NOPCHAP1: variants seen among roughly 807,000 people sequenced by gnomAD.
NOPCHAP1 encodes NOP protein chaperone 1, also known as DNA damage-sensitive RNA 1.
A neutral mutation model predicts 14.0 loss-of-function variants in NOPCHAP1; 13 were observed. That is an observed-to-expected ratio of 0.93 (90% CI 0.60 to 1.47). The LOEUF (loss-of-function observed/expected upper bound fraction) is 1.47. NOPCHAP1 is among the 40% of genes most tolerant of loss of function. The pLI is 0.00. For missense variants in NOPCHAP1, 230 were observed against 226.9 expected (o/e 1.01, Z -0.09); for synonymous variants, 78 against 78.4 (o/e 1.00, Z 0.03).
In NOPCHAP1 at chr12:105,016,011, A is replaced by G. The variant is rs1353466996; in HGVS notation, c.*21315A>G. On this transcript the variant is annotated 3_prime_UTR_variant, in exon 4 of 4. Transcript: ENST00000552951. ...GTTTTTTTTTTTTTTTTTAAAAAGC[A>G]TAACATCAAAGCCTAAAATTACAAA... The G allele has an allele frequency of 1.1e-4, 16 of 149,932 alleles. No individual in the cohort carries two copies. Among genetic ancestry groups the G allele is most frequent in the South Asian group, 2.1e-4 (1 of 4,768 alleles). 9.3% of individuals were successfully genotyped at this position (149,932 alleles called of 1,614,324 possible).
In NOPCHAP1 at chr12:104,986,806, G is replaced by T. The variant is rs527655251; in HGVS notation, c.115+339G>T. ...TCTTTTGGGGAAGGGAGGGCTTTTG[G>T]TTTGGCTGCCTGGGTCGGAGCAGTT... On this transcript the variant is annotated intron_variant, in intron 1 of 3. Transcript: ENST00000552951. 1.6e-4 allele frequency among the ~76,000 whole-genome samples: 25 copies of T among 152,302 alleles called. 1 individual carries two copies. Among genetic ancestry groups the T allele is most frequent in the Middle Eastern group, 6.8e-3 (2 of 294 alleles).
At chr12:104,993,194 C>T (rs374817961) in intron 3 of NOPCHAP1, among the ~76,000 whole-genome samples, 201 of 152,216 alleles carry the variant, frequency 1.3e-3, no homozygotes, top group Non-Finnish European at 2.0e-3. Context: ...GCCTTTCTTT[C>T]GCCTCTGGAA....
rs745808467 is a variant in NOPCHAP1, at chr12:104,988,246, G to C, written c.195G>C (p.Arg65Ser). ...TSTLQTVRIERSPLLDQVQTF... is the reference protein window; with the variant it reads ...TSTLQTVRIESSPLLDQVQTF... ...CTCTTCAAACAGTTCGGATAGAGAGGAGTCCCTGTAAGTACCTCTTCCCCT... is the reference window on the plus strand; with the variant it reads ...CTCTTCAAACAGTTCGGATAGAGAGCAGTCCCTGTAAGTACCTCTTCCCCT... The change falls in exon 2 of 4, where the codon AGG becomes AGC. Residue 65 changes from arginine to serine, a missense_variant. Physicochemically the swap from Arg to Ser is moderately radical, Grantham distance 110. Coordinates refer to ENST00000552951, the MANE Select transcript of NOPCHAP1 (RefSeq NM_152318.3). 1.6e-5 allele frequency: 26 copies of C among 1,609,570 alleles called. No homozygotes were observed. Among genetic ancestry groups the C allele is most frequent in the Non-Finnish European group, 2.1e-5 (25 of 1,176,860 alleles).
In NOPCHAP1 at chr12:105,010,055, G is replaced by C. The variant is rs1281114101; in HGVS notation, c.*15359G>C. On this transcript the variant is annotated 3_prime_UTR_variant, in exon 4 of 4. Transcript: ENST00000552951. ...GAAGGAATGGTACCAGCTCCTTTTT[G>C]TATCTCTGATAGAATTCTGCTGTGA... is the stretch of plus-strand genomic sequence containing the variant. 1 of 152,126 alleles carries C rather than the reference G, an allele frequency of 6.6e-6. No individual in the cohort carries two copies. Among genetic ancestry groups the C allele is most frequent in the Non-Finnish European group, 1.5e-5 (1 of 68,012 alleles). 9.4% of individuals were successfully genotyped at this position (152,126 alleles called of 1,614,324 possible).
intron 3 of NOPCHAP1, 48 bp from the exon 4 acceptor site, chr12:104,994,430 T>C (rs757928524): frequency 1.3e-6 from 2 of 1,497,248 alleles, no homozygotes; most frequent in Admixed American, 1.7e-5. Context: ...ATTACGACTT[T>C]TTAAGGAACT....
At chr12:104,989,326 C>G (rs1014364010) in intron 2 of NOPCHAP1, among the ~76,000 whole-genome samples, 2 of 152,162 alleles carry the variant, frequency 1.3e-5, no homozygotes, top group African/African-American at 4.8e-5. Flanking sequence ...GATAGACTTA[C>G]CAGCCTTTGT....
Position 105,013,461 on chromosome 12 carries a change from C to G in NOPCHAP1, c.*18765C>G, listed in dbSNP as rs1873876571. On this transcript the variant is annotated 3_prime_UTR_variant, in exon 4 of 4. Coordinates refer to ENST00000552951, the MANE Select transcript of NOPCHAP1 (RefSeq NM_152318.3). ...TAAGCTTGACCACTTGGCTTTCTAT[C>G]TTCAGCCCCCTTTCCAGGGGAGTGA... 6.6e-6 allele frequency: 1 copy of G among 152,388 alleles called. No homozygotes were observed. The highest frequency in any genetic ancestry group is 2.4e-5 in the African/African-American group (1 of 41,442). 9.4% of individuals were successfully genotyped at this position (152,388 alleles called of 1,614,324 possible).
chr12:104,994,354 A>C (rs1028770010), intron 3 of NOPCHAP1, 124 bp from the exon 4 acceptor site: 2 of 981,482 alleles, frequency 2.0e-6, no homozygotes, highest in Admixed American at 1.9e-5. Context: ...CTCCAAAAAA[A>C]ACCAAATTCT....
At position 105,001,727 on chromosome 12, in the gene NOPCHAP1, C is replaced by T. The variant is rs1377037702; in HGVS notation, c.*7031C>T. The T allele has an allele frequency of 2.0e-5, 3 of 152,152 alleles. No individual in the cohort carries two copies. The highest frequency in any genetic ancestry group is 4.4e-5 in the Non-Finnish European group (3 of 68,010). The allele number at this position is 152,152 out of a possible 1,614,324, so 9.4% of individuals were successfully genotyped here. On this transcript the variant is annotated 3_prime_UTR_variant, in exon 4 of 4. Transcript: ENST00000552951. ...AACCTTTTCAACTTGATTTGAAACCCTACCACAGAAATAATGTTTCCACAG... is the reference window on the plus strand; with the variant it reads ...AACCTTTTCAACTTGATTTGAAACCTTACCACAGAAATAATGTTTCCACAG...
Position 104,991,726 on chromosome 12 carries a change from C to T in NOPCHAP1, c.217C>T (p.Gln73Ter). 6.2e-7 allele frequency: 1 copy of T among 1,612,668 alleles called. No homozygotes were observed. The highest frequency in any genetic ancestry group is 8.5e-7 in the Non-Finnish European group (1 of 1,179,640). Residue 73 changes from glutamine (Q) to a stop codon, truncating the protein, a stop_gained, in exon 3 of 4, where the codon CAG becomes TAG. Coordinates refer to ENST00000552951, the MANE Select transcript of NOPCHAP1 (RefSeq NM_152318.3). LOFTEE classifies it high-confidence loss of function. Reference protein sequence around the residue: ...IERSPLLDQVQTFLPQMARAN... With the variant: ...IERSPLLDQV ...ACTTTCCACAGTATTGGACCAGGTA[C>T]AGACATTTCTCCCACAGATGGCACG...
Position 105,000,556 on chromosome 12 carries a change from C to T in NOPCHAP1, c.*5860C>T, listed in dbSNP as rs1873588902. 1 of 152,146 alleles carries T rather than the reference C, an allele frequency of 6.6e-6. No individual in the cohort carries two copies. 9.4% of individuals were successfully genotyped at this position (152,146 alleles called of 1,614,324 possible). A position where few individuals can be genotyped will look rare whatever the true frequency, so the allele number is the denominator to read the frequency against. ...GGAAAAAGAAAAGGGACATAGTTAT[C>T]ATGATGACAGAGAAGAGAACTCTTG... On this transcript the variant is annotated 3_prime_UTR_variant, in exon 4 of 4. Coordinates refer to ENST00000552951, the MANE Select transcript of NOPCHAP1 (RefSeq NM_152318.3).
chr12:105,011,278 A>G lies in NOPCHAP1; in HGVS notation c.*16582A>G, dbSNP rs1210115719. 6.6e-6 allele frequency: 1 copy of G among 151,852 alleles called. No individual in the cohort carries two copies. The highest frequency in any genetic ancestry group is 2.4e-5 in the African/African-American group (1 of 41,346). The allele number at this position is 151,852 out of a possible 1,614,324, so 9.4% of individuals were successfully genotyped here. A position where few individuals can be genotyped will look rare whatever the true frequency, so the allele number is the denominator to read the frequency against. On this transcript the variant is annotated 3_prime_UTR_variant, in exon 4 of 4. Coordinates refer to ENST00000552951, the MANE Select transcript of NOPCHAP1 (RefSeq NM_152318.3). ...TCTTTGTTGGTTTAAAGTCTGTTTT[A>G]TCGGAGACCAGGATTGCAACCCCTG...
chr12:104,999,366 C>T lies in NOPCHAP1; in HGVS notation c.*4670C>T, dbSNP rs1438925322. On this transcript the variant is annotated 3_prime_UTR_variant, in exon 4 of 4. Transcript: ENST00000552951. ...ACTGGAGTTCTCTGCCATTCAGGCACGATCTGCCAACTCAGGTGCTATAGC... is the reference window on the plus strand; with the variant it reads ...ACTGGAGTTCTCTGCCATTCAGGCATGATCTGCCAACTCAGGTGCTATAGC... 4 of 152,392 alleles carry T rather than the reference C, an allele frequency of 2.6e-5. No individual in the cohort carries two copies. The highest frequency in any genetic ancestry group is 1.9e-4 in the East Asian group (1 of 5,204). The allele number at this position is 152,392 out of a possible 1,614,324, so 9.4% of individuals were successfully genotyped here.
Position 104,991,696 on chromosome 12 carries a change from T to C in NOPCHAP1, c.203-16T>C. On this transcript the variant is annotated splice_polypyrimidine_tract_variant and intron_variant, in intron 2 of 3. Coordinates refer to ENST00000552951, the MANE Select transcript of NOPCHAP1 (RefSeq NM_152318.3). ...TACTAGCATAAATGTTGATATGCTG[T>C]ATTTACTTTCCACAGTATTGGACCA... 1 of 1,587,638 alleles carries C rather than the reference T, an allele frequency of 6.3e-7. No homozygotes were observed. Among genetic ancestry groups the C allele is most frequent in the Non-Finnish European group, 8.5e-7 (1 of 1,172,226 alleles).
intron 2 of NOPCHAP1, among the ~76,000 whole-genome samples, chr12:104,989,063 G>A (rs2136025372): frequency 6.6e-6 from 1 of 151,984 alleles, no homozygotes; most frequent in South Asian, 2.1e-4. Flanking sequence ...CCACCAGCAA[G>A]GTATGAGAGT....
At chr12:104,986,782 C>A (rs1873248543) in intron 1 of NOPCHAP1, among the ~76,000 whole-genome samples, 1 of 152,180 alleles carries the variant, frequency 6.6e-6, no homozygotes, top group African/African-American at 2.4e-5. Context: ...CTCTCGAGTT[C>A]TTTTGGGGAA....
At position 104,988,267 on chromosome 12, in the gene NOPCHAP1, C is replaced by A. The variant is rs1439548519; in HGVS notation, c.202+14C>A. The A allele has an allele frequency of 6.3e-7, 1 of 1,581,290 alleles. No individual in the cohort carries two copies. The highest frequency in any genetic ancestry group is 1.1e-5 in the South Asian group (1 of 89,424). ...AGAGGAGTCCCTGTAAGTACCTCTT[C>A]CCCTCTCTCACCCTCTCTAATGCTG... On this transcript the variant is annotated intron_variant, in intron 2 of 3. Coordinates refer to ENST00000552951, the MANE Select transcript of NOPCHAP1 (RefSeq NM_152318.3).
rs1405984415 is a variant in NOPCHAP1 at position 104,986,317 on chromosome 12, T to A, written c.-36T>A. ...CGCCCCCTTACCCGAGCCTTTTTCC[T>A]GCATCCGGGCCTGAGAGTGCAGGCT... is the stretch of plus-strand genomic sequence containing the variant. On this transcript the variant is annotated 5_prime_UTR_variant, in exon 1 of 4. Transcript: ENST00000552951. 11 of 1,559,564 alleles carry A rather than the reference T, an allele frequency of 7.1e-6. No homozygotes were observed. Among genetic ancestry groups the A allele is most frequent in the African/African-American group, 1.4e-5 (1 of 73,298 alleles).
rs1873621560 is a variant in NOPCHAP1 at position 105,002,114 on chromosome 12, T to C, written c.*7418T>C. ...ATGCAAAATCTCTTTTCCAGCATCC[T>C]AGTTGTTTGCAATGAAGGGAGACAC... On this transcript the variant is annotated 3_prime_UTR_variant, in exon 4 of 4. Transcript: ENST00000552951. 6.6e-6 allele frequency: 1 copy of C among 152,196 alleles called. No homozygotes were observed. Among genetic ancestry groups the C allele is most frequent in the African/African-American group, 2.4e-5 (1 of 41,458 alleles). 9.4% of individuals were successfully genotyped at this position (152,196 alleles called of 1,614,324 possible).
Sources: gnomAD v4.1 joint callset for allele counts (sites outside exome capture counted in the v4.1 genomes callset) on GRCh38, gnomAD v4.1.1 for gene constraint, MANE v1.5 for transcripts, NCBI Gene and HGNC (gene_info 2026-07-23, HGNC 2026-07-21) for gene names.